The following BUB1B variants were observed in gnomAD, a reference collection of about 807,000 sequenced individuals.
The protein encoded by BUB1B is BUB1 mitotic checkpoint serine/threonine kinase B, also known as mitotic checkpoint serine/threonine-protein kinase BUB1 beta.
A neutral mutation model predicts 137.7 loss-of-function variants in BUB1B; 86 were observed. The ratio of observed to expected loss-of-function variants is 0.62; its 90% confidence interval spans 0.52 to 0.75. The LOEUF (loss-of-function observed/expected upper bound fraction) is 0.75, where lower values mean the gene tolerates loss of function less well. Ranked by LOEUF, BUB1B falls within the 30% of genes least tolerant of loss-of-function variation. The pLI is 0.00. For synonymous variants in BUB1B, 420 were observed against 417.9 expected, an observed-to-expected ratio of 1.00 and a Z score of -0.06; for missense variants, 1,130 against 1,236.9, an observed-to-expected ratio of 0.91 and a Z score of 1.30.
chr15:40,169,147 G>A (rs2037133018), intron 2 of BUB1B, among the ~76,000 whole-genome samples: 1 of 151,916 alleles, frequency 6.6e-6, no homozygotes. Context: ...TATTCTAACT[G>A]GTCAGTCTTA....
chr15:40,187,689 G>A (rs1392554240), intron 8 of BUB1B, among the ~76,000 whole-genome samples: 2 of 151,998 alleles, frequency 1.3e-5, no homozygotes, highest in African/African-American at 4.8e-5. Context: ...TGAAAGGATC[G>A]CTTGAGCCCA....
chr15:40,186,919 T>G (rs1391963952), intron 8 of BUB1B: 2 of 151,990 alleles, frequency 1.3e-5, no homozygotes, highest in Non-Finnish European at 2.9e-5. Context: ...TTTTTTTTCT[T>G]TTTAAACAGA....
chr15:40,163,863 A>G (rs1345421486), intron 1 of BUB1B, among the ~76,000 whole-genome samples: 1 of 152,202 alleles, frequency 6.6e-6, no homozygotes, highest in African/African-American at 2.4e-5. Context: ...AGTTTCCAAG[A>G]AGCTGTCTCC....
chr15:40,210,137 A>T lies in BUB1B; in HGVS notation c.2312A>T (p.Glu771Val). ...AATGAGGATTACTGCATTAAACGAG[A>T]ATACCTAATATGTGAAGATTACAAG... ...LGNEDYCIKR[E>V]YLICEDYKLF... The change falls in exon 18 of 23, where the codon GAA becomes GTA. Residue 771 changes from glutamate (E) to valine (V), a missense_variant. By Grantham distance (121) the Glu-to-Val change is moderately radical. Coordinates refer to ENST00000287598, the MANE Select transcript of BUB1B (RefSeq NM_001211.6). The T allele has an allele frequency of 6.2e-7, 1 of 1,612,248 alleles. No individual in the cohort carries two copies. The highest frequency in any genetic ancestry group is 8.5e-7 in the Non-Finnish European group (1 of 1,178,458).
intron 13 of BUB1B, 39 bp from the exon 14 acceptor site, chr15:40,202,550 T>C (rs371778278): frequency 1.2e-6 from 2 of 1,604,118 alleles, no homozygotes; most frequent in African/African-American, 2.7e-5. Context: ...GGGTTACTGT[T>C]ATGAAAAAAA....
intron 2 of BUB1B, chr15:40,166,501 A>T: frequency 1.0e-5 from 3 of 294,616 alleles, no homozygotes; most frequent in South Asian, 8.1e-5. Flanking sequence ...CACCACGCCC[A>T]GCTAATTTTT....
chr15:40,211,302 C>T (rs1283233657), intron 18 of BUB1B, among the ~76,000 whole-genome samples: 1 of 152,070 alleles, frequency 6.6e-6, no homozygotes, highest in East Asian at 1.9e-4. Flanking sequence ...ATCTCTCTCA[C>T]ACTACAGGCT....
At chr15:40,189,440 G>A (rs918691370) in intron 8 of BUB1B, among the ~76,000 whole-genome samples, 3 of 152,340 alleles carry the variant, frequency 2.0e-5, no homozygotes, top group South Asian at 4.1e-4. Flanking sequence ...GATTATAGGC[G>A]TGAGCCACTG....
chr15:40,174,238 G>A (rs1287395258), intron 4 of BUB1B, among the ~76,000 whole-genome samples: 2 of 152,314 alleles, frequency 1.3e-5, no homozygotes, highest in South Asian at 4.1e-4. Context: ...TGGATCTTAT[G>A]CTGGTAGCAC....
rs755270206 is a variant in BUB1B at position 40,210,175 on chromosome 15, G to A, written c.2350G>A (p.Ala784Thr). The A allele has an allele frequency of 6.2e-7, 1 of 1,611,944 alleles. No homozygotes were observed. The highest frequency in any genetic ancestry group is 8.5e-7 in the Non-Finnish European group (1 of 1,178,318). ...ICEDYKLFWVAPRNSAELTVI... is the reference protein window; with the variant it reads ...ICEDYKLFWVTPRNSAELTVI... The stretch of plus-strand genomic sequence containing the variant: ...TGAAGATTACAAGTTATTCTGGGTG[G>A]CGCCAAGAAACTCTGCAGAATTAAC... The change falls in exon 18 of 23, where the codon GCG becomes ACG. Residue 784 changes from alanine to threonine, a missense_variant. Coordinates refer to ENST00000287598, the MANE Select transcript of BUB1B (RefSeq NM_001211.6).
chr15:40,200,195 C>A, intron 10 of BUB1B, 49 bp from the exon 11 acceptor site: 1 of 1,288,922 alleles, frequency 7.8e-7, no homozygotes, highest in Non-Finnish European at 1.1e-6. Flanking sequence ...TAGAAAATAG[C>A]ATTTTCTGGA....
At chr15:40,186,430 CTTTT>C (rs769074759) in intron 8 of BUB1B, among the ~76,000 whole-genome samples, 1 of 67,356 alleles carries the variant, frequency 1.5e-5, no homozygotes, top group African/African-American at 5.9e-5. Context: ...TTGCCTAGTT[CTTTT>C]TTTTTTTTTT....
intron 12 of BUB1B, 105 bp downstream of exon 12, chr15:40,201,085 G>A (rs892692874): frequency 1.9e-6 from 2 of 1,040,344 alleles, no homozygotes; most frequent in Non-Finnish European, 2.9e-6. Flanking sequence ...AAAGACAGGG[G>A]GACTAGGATA....
In BUB1B at chr15:40,220,796, G is replaced by T. The variant is rs1242421224; in HGVS notation, c.*37G>T. ...AAGTCTCACAGATTGCTGCCTCAGA[G>T]CAATGGTTGTATTGTGGAACACTGA... is the stretch of plus-strand genomic sequence containing the variant. On this transcript the variant is annotated 3_prime_UTR_variant, in exon 23 of 23. Transcript: ENST00000287598. The T allele has an allele frequency of 3.1e-6, 5 of 1,589,650 alleles. No individual in the cohort carries two copies. The African/African-American group carries it at 6.7e-5, about 21-fold the overall frequency.
chr15:40,200,735 A>G (rs147952720), intron 11 of BUB1B, among the ~76,000 whole-genome samples, 196 bp from the exon 12 acceptor site: 1 of 152,220 alleles, frequency 6.6e-6, no homozygotes, highest in Non-Finnish European at 1.5e-5. Flanking sequence ...GCAACTTGAC[A>G]TCTATTATCA....
At chr15:40,188,401 A>G (rs1299455190) in intron 8 of BUB1B, among the ~76,000 whole-genome samples, 1 of 151,364 alleles carries the variant, frequency 6.6e-6, no homozygotes, top group Non-Finnish European at 1.5e-5. Flanking sequence ...CTCTCCACAC[A>G]TTTTTCTTTA....
chr15:40,162,999 C>A (rs1283905463), intron 1 of BUB1B, among the ~76,000 whole-genome samples: 1 of 152,120 alleles, frequency 6.6e-6, no homozygotes, highest in East Asian at 1.9e-4. Flanking sequence ...TGCGGGGCTG[C>A]TGTGTATGTG....
At chr15:40,210,431 C>T (rs557400365) in intron 18 of BUB1B, among the ~76,000 whole-genome samples, 2 of 151,560 alleles carry the variant, frequency 1.3e-5, no homozygotes, top group African/African-American at 4.8e-5. Flanking sequence ...ACAATCACCA[C>T]ACACAATCAC....
At chr15:40,190,603 G>T (rs2037424216) in intron 8 of BUB1B, among the ~76,000 whole-genome samples, 1 of 152,190 alleles carries the variant, frequency 6.6e-6, no homozygotes, top group African/African-American at 2.4e-5. Flanking sequence ...AACAGATTCA[G>T]ATCCTGTCTC....
Sources: allele counts gnomAD v4.1 joint callset (sites outside exome capture counted in the v4.1 genomes callset), GRCh38; gene constraint gnomAD v4.1.1; transcripts MANE v1.5; gene names NCBI Gene and HGNC (gene_info 2026-07-23, HGNC 2026-07-21).